ATP12A: variants seen among roughly 807,000 people sequenced by gnomAD.
ATP12A encodes the protein ATPase H+/K+ transporting non-gastric alpha2 subunit.
In ATP12A, 81 loss-of-function variants were observed where a neutral mutation model predicts 111.2. That is an observed-to-expected ratio of 0.73 (90% CI 0.61 to 0.88). The LOEUF (loss-of-function observed/expected upper bound fraction) is 0.88, where lower values mean the gene tolerates loss of function less well. ATP12A is among the 40% of genes least tolerant of loss of function. The pLI, the probability that ATP12A is intolerant of heterozygous loss-of-function variation, is 0.00. For synonymous variants in ATP12A, 498 were observed against 499.8 expected (o/e 1.00, Z 0.05); for missense variants, 1,196 against 1,313.1 (o/e 0.91, Z 1.38).
Position 24,680,590 on chromosome 13 carries a change from G to T in ATP12A, c.-154G>T. 2 of 799,634 alleles carry T rather than the reference G, an allele frequency of 2.5e-6. No homozygotes were observed. Among genetic ancestry groups the T allele is most frequent in the Non-Finnish European group, 3.7e-6 (2 of 542,776 alleles). The allele number at this position is 799,634 out of a possible 1,614,324, so 49.5% of individuals were successfully genotyped here. A position where few individuals can be genotyped will look rare whatever the true frequency, so the allele number is the denominator to read the frequency against. On this transcript the variant is annotated 5_prime_UTR_variant, in exon 1 of 23. Coordinates refer to ENST00000381946, the MANE Select transcript of ATP12A (RefSeq NM_001676.7). ...GCGGCTGGCGATCGGCCGCGGAGGT[G>T]CGTGCAGGGCCCGCGCCGCCGCCGG...
rs534581016 is a variant in ATP12A at position 24,681,267 on chromosome 13, A to C, written c.10-295A>C. On this transcript the variant is annotated intron_variant, in intron 1 of 22. Transcript: ENST00000381946. ...TCACAGCTCCTTGGAGGCATCAGTC[A>C]GGAGTTGGGGGGGTAACTTCCCACC... 2.0e-5 allele frequency among the ~76,000 whole-genome samples: 3 copies of C among 152,218 alleles called. No homozygotes were observed. The East Asian group carries it at 5.8e-4, about 30-fold the overall frequency.
intron 14 of ATP12A, chr13:24,703,431 G>C (rs1477675336): frequency 6.6e-6 from 1 of 152,112 alleles, no homozygotes; most frequent in Non-Finnish European, 1.5e-5. Context: ...TAGTAGAGAC[G>C]GGGCTTTGCC....
intron 10 of ATP12A, 37 bp downstream of exon 10, chr13:24,692,933 C>G: frequency 6.4e-7 from 1 of 1,574,710 alleles, no homozygotes; most frequent in Non-Finnish European, 8.7e-7. Flanking sequence ...AAATCACAGC[C>G]AGTTTGTAGT....
intron 5 of ATP12A, 31 bp from the exon 6 acceptor site, chr13:24,690,307 C>T (rs1265757943): frequency 1.2e-6 from 2 of 1,610,968 alleles, no homozygotes; most frequent in African/African-American, 1.3e-5. Context: ...CTTCCAGGGT[C>T]TGAGGCATCT....
intron 12 of ATP12A, 40 bp downstream of exon 12, chr13:24,698,890 C>T: frequency 6.2e-7 from 1 of 1,603,534 alleles, no homozygotes; most frequent in South Asian, 1.1e-5. Flanking sequence ...ACCTGGTGGG[C>T]ACAGAGATGA....
chr13:24,698,527 G>C, intron 11 of ATP12A, 131 bp from the exon 12 acceptor site: 1 of 1,065,438 alleles, frequency 9.4e-7, no homozygotes, highest in South Asian at 1.7e-5. Flanking sequence ...CTTGGCCACA[G>C]AAAGAAAAAG....
intron 8 of ATP12A, 106 bp downstream of exon 8, chr13:24,691,356 C>T (rs921896138): frequency 3.4e-5 from 46 of 1,335,466 alleles, no homozygotes; most frequent in Admixed American, 7.7e-5. Flanking sequence ...CAGAGCACCA[C>T]GCCCTCCCCG....
intron 3 of ATP12A, among the ~76,000 whole-genome samples, chr13:24,687,090 A>T (rs1874700364): frequency 6.6e-6 from 1 of 152,088 alleles, no homozygotes; most frequent in African/African-American, 2.4e-5. Context: ...CGAGGTGGTG[A>T]GCCTGAATCT....
intron 3 of ATP12A, among the ~76,000 whole-genome samples, chr13:24,687,503 G>C (rs953775848): frequency 2.0e-5 from 3 of 152,138 alleles, no homozygotes; most frequent in Admixed American, 6.5e-5. Context: ...CCTTTAAGTA[G>C]CTTACAACAT....
chr13:24,686,499 A>G (rs9553415), intron 3 of ATP12A, among the ~76,000 whole-genome samples: 36,480 of 149,344 alleles, frequency 0.24, 5,423 homozygotes, highest in East Asian at 0.53. Flanking sequence ...CCAGCACTTT[A>G]GGAGGCCAAG....
chr13:24,699,002 T>C (rs2289903), intron 12 of ATP12A, 152 bp downstream of exon 12: 255,864 of 1,000,666 alleles, frequency 0.26, 36,351 homozygotes, highest in African/African-American at 0.45. Flanking sequence ...AAGGAGAGGA[T>C]GCTGTGTGAC....
At position 24,685,950 on chromosome 13, in the gene ATP12A, A is replaced by T. The variant is rs1225546271; in HGVS notation, c.228+577A>T. On this transcript the variant is annotated intron_variant, in intron 3 of 22. Coordinates refer to ENST00000381946, the MANE Select transcript of ATP12A (RefSeq NM_001676.7). This position sits in a 1 kb window ranked among gnomAD's most constrained non-coding sequence, Gnocchi z 5.5. ...GTCATCTGGGTGAAGCTGTCAAAGT[A>T]TTCACATTAAACTAATGAGTAGGAG... is the stretch of plus-strand genomic sequence containing the variant. Among the ~76,000 whole-genome samples the T allele has an allele frequency of 1.3e-5, 2 of 152,230 alleles. No individual in the cohort carries two copies. Among genetic ancestry groups the T allele is most frequent in the African/African-American group, 4.8e-5 (2 of 41,456 alleles).
chr13:24,710,953 C>T (rs1395402687), intron 21 of ATP12A, 60 bp downstream of exon 21: 8 of 1,438,414 alleles, frequency 5.6e-6, no homozygotes, highest in Non-Finnish European at 7.8e-6. Context: ...GCTGTCGCAG[C>T]CTAAATAAAC....
chr13:24,700,652 C>A, intron 12 of ATP12A, 95 bp from the exon 13 acceptor site: 2 of 1,145,336 alleles, frequency 1.7e-6, no homozygotes, highest in Non-Finnish European at 2.4e-6. Flanking sequence ...ATTGGTAAAA[C>A]AGCAGAGGAC....
Position 24,692,546 on chromosome 13 carries a change from C to G in ATP12A, c.1186C>G (p.Leu396Val), listed in dbSNP as rs982274398. The G allele has an allele frequency of 1.2e-6, 2 of 1,614,080 alleles. No homozygotes were observed. Among genetic ancestry groups the G allele is most frequent in the Admixed American group, 1.7e-5 (1 of 60,006 alleles). The change falls in exon 9 of 23, where the codon CTG becomes GTG. Residue 396 changes from leucine to valine, a missense_variant. Physicochemically the swap from Leu to Val is conservative, Grantham distance 32 (BLOSUM62 1). Transcript: ENST00000381946. ...CATCTGCTCGGACAAGACTGGGACACTGACCCAGAACAGGATGACAGTGGC... is the reference window on the plus strand; with the variant it reads ...CATCTGCTCGGACAAGACTGGGACAGTGACCCAGAACAGGATGACAGTGGC... ...SIICSDKTGT[L>V]TQNRMTVAHL...
Position 24,692,829 on chromosome 13 carries a change from C to A in ATP12A, c.1310C>A (p.Ser437Tyr), listed in dbSNP as rs779263873. The change falls in exon 10 of 23, where the codon TCC becomes TAC. Residue 437 changes from serine (S) to tyrosine (Y), a missense_variant. Ser to Tyr is a moderately radical substitution (Grantham distance 144). Transcript: ENST00000381946. ...DQSSRTWASL[S>Y]KIITLCNRAE... is the part of the protein sequence containing the mutation. ...AGCTCTAGGACTTGGGCCTCCTTAT[C>A]CAAGATAATAACATTGTGTAACCGA... 1.9e-6 allele frequency: 3 copies of A among 1,614,180 alleles called. No individual in the cohort carries two copies. Among genetic ancestry groups the A allele is most frequent in the Non-Finnish European group, 2.5e-6 (3 of 1,180,038 alleles).
intron 5 of ATP12A, 76 bp downstream of exon 5, chr13:24,689,451 C>A: frequency 1.6e-6 from 2 of 1,286,148 alleles, no homozygotes; most frequent in South Asian, 1.2e-5. Context: ...GGGCACAGGG[C>A]CCTGAGGGCT....
At chr13:24,706,257 T>C (rs1875626719) in intron 14 of ATP12A, 56 bp from the exon 15 acceptor site, 1 of 1,588,958 alleles carries the variant, frequency 6.3e-7, no homozygotes, top group Non-Finnish European at 8.6e-7. Flanking sequence ...CCTGGAACAG[T>C]GTTTCAACCT....
At chr13:24,695,299 TG>T (rs1308902662) in intron 11 of ATP12A, among the ~76,000 whole-genome samples, 8 of 152,074 alleles carry the variant, frequency 5.3e-5, no homozygotes, top group African/African-American at 1.9e-4. Context: ...GTGCTGTGGG[TG>T]GGGGTCTCCT....
Sources: gnomAD v4.1 joint callset for allele counts (sites outside exome capture counted in the v4.1 genomes callset) on GRCh38, gnomAD v4.1.1 for gene constraint, Gnocchi (gnomAD v3.1) non-coding constraint, MANE v1.5 for transcripts, NCBI Gene and HGNC (gene_info 2026-07-23, HGNC 2026-07-21) for gene names.